Variants in LY96 observed in about 807,000 individuals in gnomAD.
LY96 encodes the protein lymphocyte antigen 96.
LY96 carries 18 observed loss-of-function variants against 18.9 expected under a neutral mutation model. That is an observed-to-expected ratio of 0.95 (90% confidence interval 0.66 to 1.41). The LOEUF (loss-of-function observed/expected upper bound fraction) is 1.41, where lower values mean the gene tolerates loss of function less well. LY96 is among the 40% of genes most tolerant of loss of function. The pLI, the probability that LY96 is intolerant of heterozygous loss-of-function variation, is 0.00. For missense variants in LY96, 175 were observed against 182.4 expected (o/e 0.96, Z 0.23); for synonymous variants, 66 against 62.6 (o/e 1.06, Z -0.26).
chr8:74,067,388 T>C, the LY96 span, among the ~76,000 whole-genome samples: 1 of 152,088 alleles, frequency 6.6e-6, no homozygotes, highest in Non-Finnish European at 1.5e-5. Flanking sequence ...CACCACCATG[T>C]GTAATTTTTT....
the LY96 span, among the ~76,000 whole-genome samples, chr8:74,076,199 G>A: frequency 2.0e-5 from 3 of 151,986 alleles, no homozygotes; most frequent in Admixed American, 2.0e-4. Flanking sequence ...TGGGATGTAG[G>A]TTCTTCTTGA....
chr8:74,018,450 T>A lies in LY96; in HGVS notation c.331+8321T>A, dbSNP rs567636110. ...AGTCCTTAGAGACCTACAAAGAGAC[T>A]TAGACTCCCACACAATAATAATGGG... On this transcript the variant is annotated intron_variant, in intron 3 of 4. Transcript: ENST00000284818. 3.9e-5 allele frequency among the ~76,000 whole-genome samples: 6 copies of A among 152,214 alleles called. No individual in the cohort carries two copies. In the South Asian group the frequency reaches 1.0e-3, roughly 26 times the overall value.
chr8:74,081,430 T>A, the LY96 span, among the ~76,000 whole-genome samples: 1,054 of 141,882 alleles, frequency 7.4e-3, 35 homozygotes, highest in Admixed American at 0.055. Context: ...TAATTTAAAA[T>A]TTTTTTTTTT....
chr8:74,075,574 T>C, the LY96 span, among the ~76,000 whole-genome samples: 1 of 152,262 alleles, frequency 6.6e-6, no homozygotes, highest in Non-Finnish European at 1.5e-5. Context: ...CCTGGCTTAT[T>C]GTGGCTTATT....
chr8:74,086,989 A>G, the LY96 span, among the ~76,000 whole-genome samples: 1 of 152,196 alleles, frequency 6.6e-6, no homozygotes, highest in African/African-American at 2.4e-5. Context: ...AGCAGCCCAT[A>G]TGGACTAAGT....
the LY96 span, among the ~76,000 whole-genome samples, chr8:74,051,233 C>T: frequency 2.0e-5 from 3 of 152,052 alleles, no homozygotes; most frequent in Admixed American, 6.6e-5. Context: ...GTTCATGAGC[C>T]GGCCTGATCT....
the LY96 span, among the ~76,000 whole-genome samples, chr8:74,091,534 A>G: frequency 1.3e-5 from 2 of 152,208 alleles, no homozygotes; most frequent in African/African-American, 4.8e-5. Flanking sequence ...TAGGCGTCTG[A>G]GGATGAAATT....
At chr8:74,081,308 T>G in the LY96 span, among the ~76,000 whole-genome samples, 1 of 151,074 alleles carries the variant, frequency 6.6e-6, no homozygotes, top group Non-Finnish European at 1.5e-5. Flanking sequence ...CAGGCTTAAG[T>G]GCAGTGGTGT....
the LY96 span, among the ~76,000 whole-genome samples, chr8:74,038,066 A>T: frequency 1.1e-3 from 164 of 152,246 alleles, no homozygotes; most frequent in African/African-American, 3.7e-3. Flanking sequence ...ACATGAGAAA[A>T]TTTTTTTAAA....
chr8:74,023,735 G>T (rs763324525), intron 3 of LY96, among the ~76,000 whole-genome samples: 1 of 152,162 alleles, frequency 6.6e-6, no homozygotes, highest in Non-Finnish European at 1.5e-5. Flanking sequence ...ACCCTCTGGG[G>T]TTGAGCAGGG....
At chr8:74,062,495 C>G in the LY96 span, among the ~76,000 whole-genome samples, 1 of 151,806 alleles carries the variant, frequency 6.6e-6, no homozygotes, top group Non-Finnish European at 1.5e-5. Context: ...AACATGCGGT[C>G]TTTGGTTTTT....
the LY96 span, among the ~76,000 whole-genome samples, chr8:74,094,678 G>C: frequency 1.3e-5 from 2 of 152,124 alleles, no homozygotes; most frequent in Non-Finnish European, 2.9e-5. Flanking sequence ...CAAAGCATAT[G>C]ATCATCCGTG....
the LY96 span, among the ~76,000 whole-genome samples, chr8:74,044,160 T>A: frequency 3.5e-5 from 5 of 141,572 alleles, no homozygotes; most frequent in Non-Finnish European, 7.5e-5. Context: ...ATGTATGTTA[T>A]TTTTTTTTTT....
intron 3 of LY96, among the ~76,000 whole-genome samples, chr8:74,026,479 C>T (rs1379661045): frequency 6.6e-6 from 1 of 152,234 alleles, no homozygotes; most frequent in Non-Finnish European, 1.5e-5. Flanking sequence ...GTTTGCAATG[C>T]ACATATGTAA....
the LY96 span, among the ~76,000 whole-genome samples, chr8:74,034,297 G>A: frequency 6.6e-6 from 1 of 152,210 alleles, no homozygotes; most frequent in South Asian, 2.1e-4. Context: ...GTTTGAGCCT[G>A]GGAGATGGAG....
At chr8:74,042,720 T>C in the LY96 span, among the ~76,000 whole-genome samples, 1 of 152,068 alleles carries the variant, frequency 6.6e-6, no homozygotes, top group Non-Finnish European at 1.5e-5. Context: ...TAGTCTTTAG[T>C]AGTCCTTAAA....
chr8:73,993,787 C>T (rs1339201583), intron 1 of LY96, among the ~76,000 whole-genome samples: 2 of 148,872 alleles, frequency 1.3e-5, no homozygotes. Flanking sequence ...CTATATTGCC[C>T]AGGCTGGTCT....
the LY96 span, among the ~76,000 whole-genome samples, chr8:74,062,062 A>G: frequency 1.3e-5 from 2 of 152,288 alleles, no homozygotes; most frequent in South Asian, 4.1e-4. Flanking sequence ...CTTTTTGCCA[A>G]TTTTATGGGT....
intron 2 of LY96, among the ~76,000 whole-genome samples, chr8:74,005,270 G>A (rs578027822): frequency 2.1e-4 from 32 of 152,312 alleles, no homozygotes; most frequent in African/African-American, 7.7e-4. Flanking sequence ...GGCATTTTCA[G>A]TATGGCTGCT....
Sources: allele counts gnomAD v4.1 joint callset (sites outside exome capture counted in the v4.1 genomes callset), GRCh38; gene constraint gnomAD v4.1.1; transcripts MANE v1.5; gene names NCBI Gene and HGNC (gene_info 2026-07-23, HGNC 2026-07-21).